THSD7B: variants seen among roughly 807,000 people sequenced by gnomAD.
THSD7B encodes thrombospondin type-1 domain-containing protein 7B.
A neutral mutation model predicts 213.6 loss-of-function variants in THSD7B; 138 were observed. The observed-to-expected ratio is 0.65, with a 90% CI of 0.56 to 0.74. The LOEUF is 0.74. Among genes scored for constraint, THSD7B ranks in the 30% least tolerant of loss-of-function variants. THSD7B has a pLI of 0.00. For synonymous variants in THSD7B, 742 were observed against 687.0 expected, an observed-to-expected ratio of 1.08 and a Z score of -1.25; for missense variants, 1,931 against 1,991.5, an observed-to-expected ratio of 0.97 and a Z score of 0.58.
intron 19 of THSD7B, 83 bp from the exon 20 acceptor site, chr2:137,620,526 A>G (rs1224053031): frequency 2.0e-5 from 21 of 1,030,842 alleles, no homozygotes; most frequent in Non-Finnish European, 3.0e-5. Flanking sequence ...CACAGAGTAA[A>G]GGAAAGTCTT....
intron 15 of THSD7B, among the ~76,000 whole-genome samples, chr2:137,541,382 G>A (rs997313798): frequency 1.3e-5 from 2 of 151,468 alleles, no homozygotes; most frequent in African/African-American, 4.8e-5. Flanking sequence ...TAGACTTAAG[G>A]AGACAACTAT....
chr2:137,263,987 T>C (rs773882985), intron 10 of THSD7B, among the ~76,000 whole-genome samples: 2 of 152,226 alleles, frequency 1.3e-5, no homozygotes, highest in Non-Finnish European at 2.9e-5. Flanking sequence ...TTTACGTTAT[T>C]ATCCATCTGT....
At chr2:137,259,012 A>C (rs1378668054) in intron 10 of THSD7B, among the ~76,000 whole-genome samples, 2 of 152,144 alleles carry the variant, frequency 1.3e-5, no homozygotes, top group Non-Finnish European at 2.9e-5. Context: ...AAAGGACATT[A>C]TCTCATTCCT....
intron 1 of THSD7B, among the ~76,000 whole-genome samples, chr2:136,832,619 A>T (rs1275900168): frequency 1.1e-4 from 16 of 152,224 alleles, no homozygotes. Flanking sequence ...AAAATTAATC[A>T]TCACAACATG....
intron 15 of THSD7B, among the ~76,000 whole-genome samples, chr2:137,559,550 T>C (rs192429893): frequency 9.2e-5 from 14 of 152,170 alleles, no homozygotes; most frequent in African/African-American, 2.7e-4. Flanking sequence ...TTACACAGTA[T>C]ACAAAAATTA....
At chr2:137,603,977 G>A (rs1226897657) in intron 17 of THSD7B, among the ~76,000 whole-genome samples, 1 of 152,074 alleles carries the variant, frequency 6.6e-6, no homozygotes, top group Non-Finnish European at 1.5e-5. Context: ...CCGGCTTGGT[G>A]GTGTGCACCT....
chr2:137,131,812 G>A (rs946320886), intron 5 of THSD7B, among the ~76,000 whole-genome samples: 42 of 152,166 alleles, frequency 2.8e-4, no homozygotes, highest in South Asian at 4.1e-4. Context: ...GTCAGGTAGC[G>A]TGATGCCTCC....
intron 2 of THSD7B, among the ~76,000 whole-genome samples, chr2:137,054,529 GTA>G (rs754284069): frequency 6.6e-6 from 1 of 152,208 alleles, no homozygotes; most frequent in Non-Finnish European, 1.5e-5. Context: ...CTCTGGGGAT[GTA>G]TATGTTTCTT....
At chr2:137,361,993 G>T (rs916583392) in intron 12 of THSD7B, among the ~76,000 whole-genome samples, 3 of 152,048 alleles carry the variant, frequency 2.0e-5, no homozygotes, top group African/African-American at 7.2e-5. Flanking sequence ...CAAAGGTCAG[G>T]TTACCCACAA....
chr2:137,103,049 A>G (rs1225617667), intron 4 of THSD7B, among the ~76,000 whole-genome samples: 1 of 152,060 alleles, frequency 6.6e-6, no homozygotes, highest in East Asian at 1.9e-4. Flanking sequence ...CCACAAAAAT[A>G]CTCCTCAATA....
At chr2:137,054,183 G>A (rs1427606478) in intron 2 of THSD7B, among the ~76,000 whole-genome samples, 1 of 152,256 alleles carries the variant, frequency 6.6e-6, no homozygotes, top group Non-Finnish European at 1.5e-5. Flanking sequence ...TTCAACGCGT[G>A]TTCTCTATAC....
chr2:136,842,552 C>G (rs762945792), intron 1 of THSD7B, among the ~76,000 whole-genome samples: 2 of 152,184 alleles, frequency 1.3e-5, no homozygotes, highest in African/African-American at 2.4e-5. Context: ...TAGTTTCTAT[C>G]TCAGGGTTAT....
chr2:136,784,243 C>A (rs200495811), intron 1 of THSD7B, among the ~76,000 whole-genome samples: 7 of 147,110 alleles, frequency 4.8e-5, no homozygotes, highest in African/African-American at 1.7e-4. Context: ...TTCTTCAGGG[C>A]AAAACAAAAG....
chr2:136,786,667 A>G (rs1226432424), intron 1 of THSD7B, among the ~76,000 whole-genome samples: 1 of 152,104 alleles, frequency 6.6e-6, no homozygotes, highest in Non-Finnish European at 1.5e-5. Context: ...CGGAATGCGC[A>G]TGGTCTCTGT....
intron 17 of THSD7B, among the ~76,000 whole-genome samples, chr2:137,587,796 A>C (rs1406045749): frequency 3.3e-5 from 5 of 152,146 alleles, no homozygotes; most frequent in Non-Finnish European, 7.4e-5. Flanking sequence ...GACCCACTTT[A>C]GGAGGCAGTC....
In THSD7B at chr2:137,313,395, G is replaced by A. The variant is rs557221675; in HGVS notation, c.2500+37369G>A. Among the ~76,000 whole-genome samples the A allele has an allele frequency of 1.2e-4, 18 of 152,036 alleles. No homozygotes were observed. In the South Asian group the frequency reaches 3.5e-3, roughly 30 times the overall value. ...CTCCATCCTTTTATTTTGAGCCTATGTGTGTTTCTGCACATGAGATGGGTT... is the reference window on the plus strand; with the variant it reads ...CTCCATCCTTTTATTTTGAGCCTATATGTGTTTCTGCACATGAGATGGGTT... On this transcript the variant is annotated intron_variant, in intron 12 of 27. Transcript: ENST00000409968.
intron 1 of THSD7B, among the ~76,000 whole-genome samples, chr2:136,827,489 A>G (rs986341545): frequency 1.3e-5 from 2 of 152,182 alleles, no homozygotes; most frequent in Non-Finnish European, 1.5e-5. Flanking sequence ...ATTTGAGGAA[A>G]GAATAACCCA....
At chr2:137,340,661 G>T (rs1156228791) in intron 12 of THSD7B, among the ~76,000 whole-genome samples, 1 of 151,700 alleles carries the variant, frequency 6.6e-6, no homozygotes, top group Admixed American at 6.6e-5. Context: ...TCCATGTGTA[G>T]GTGAGAATAT....
At chr2:137,199,831 A>G (rs1043574014) in intron 7 of THSD7B, among the ~76,000 whole-genome samples, 2 of 152,166 alleles carry the variant, frequency 1.3e-5, no homozygotes, top group African/African-American at 2.4e-5. Context: ...TTACTTGATA[A>G]TAGGTTTTAA....
Sources: allele counts gnomAD v4.1 joint callset (sites outside exome capture counted in the v4.1 genomes callset), GRCh38; gene constraint gnomAD v4.1.1; transcripts MANE v1.5; gene names NCBI Gene and HGNC (gene_info 2026-07-23, HGNC 2026-07-21).